Variants in CYB5R4 observed in about 807,000 individuals in gnomAD.
The protein encoded by CYB5R4 is N-terminal cytochrome b5 and cytochrome b5 oxidoreductase domain-containing protein.
A neutral mutation model predicts 70.2 loss-of-function variants in CYB5R4; 55 were observed. That is an observed-to-expected ratio of 0.78 (90% CI 0.63 to 0.98). The LOEUF is 0.98. Ranked by LOEUF, CYB5R4 falls within the 50% of genes least tolerant of loss-of-function variation. The probability of loss-of-function intolerance (pLI) is 0.00; values close to 1 mark genes in which losing one functional copy is unlikely to be tolerated. For missense variants in CYB5R4, 562 were observed against 612.6 expected, an observed-to-expected ratio of 0.92 and a Z score of 0.87; for synonymous variants, 197 against 199.5, an observed-to-expected ratio of 0.99 and a Z score of 0.11.
intron 10 of CYB5R4, among the ~76,000 whole-genome samples, chr6:83,928,134 A>G (rs1037841384): frequency 1.3e-5 from 2 of 152,176 alleles, no homozygotes; most frequent in African/African-American, 2.4e-5. Context: ...GGAACCAGGG[A>G]CACAGACCAA....
intron 2 of CYB5R4, among the ~76,000 whole-genome samples, chr6:83,891,370 C>T (rs745420358): frequency 5.9e-5 from 9 of 152,048 alleles, no homozygotes; most frequent in East Asian, 5.8e-4. Flanking sequence ...TAATAAAGCA[C>T]GAAGAAAAAG....
At chr6:83,886,031 A>G (rs777848237) in intron 2 of CYB5R4, among the ~76,000 whole-genome samples, 3 of 152,208 alleles carry the variant, frequency 2.0e-5, no homozygotes, top group Non-Finnish European at 4.4e-5. Flanking sequence ...TGGGAAATTC[A>G]TAAAGACAAG....
chr6:83,904,040 A>G (rs2099463399), intron 3 of CYB5R4, among the ~76,000 whole-genome samples: 1 of 152,030 alleles, frequency 6.6e-6, no homozygotes, highest in Non-Finnish European at 1.5e-5. Context: ...TATTTCATAT[A>G]GTTCTGCTCT....
In CYB5R4 at chr6:83,936,351, A is replaced by G; in HGVS notation, c.1083A>G (p.Thr361=). The stretch of plus-strand genomic sequence containing the variant: ...AAATCTATCCCACTGGACTCTTCAC[A>G]CCAGAGCTTGATCGTCTTCAGATTG... ...LIKIYPTGLF[T]PELDRLQIGD... Residue 361 remains threonine, a synonymous_variant, in exon 12 of 16, where the codon ACA becomes ACG. Coordinates refer to ENST00000369681, the MANE Select transcript of CYB5R4 (RefSeq NM_016230.4). 6.2e-7 allele frequency: 1 copy of G among 1,611,430 alleles called. No individual in the cohort carries two copies. The highest frequency in any genetic ancestry group is 1.1e-5 in the South Asian group (1 of 90,748).
intron 11 of CYB5R4, 142 bp from the exon 12 acceptor site, chr6:83,936,082 T>C (rs2099468884): frequency 5.1e-6 from 3 of 590,496 alleles, no homozygotes; most frequent in South Asian, 2.6e-5. Context: ...TATATACATA[T>C]AGAAAAATAA....
In CYB5R4 at chr6:83,893,521, G is replaced by T; in HGVS notation, c.230-1G>T. Reference sequence around the variant, plus strand: ...TATTATTTCTGTTTGCTTTGGTACAGGTTTCGTTTATAATGTCAGCCCTTA... The same window carrying T: ...TATTATTTCTGTTTGCTTTGGTACATGTTTCGTTTATAATGTCAGCCCTTA... On this transcript the variant is annotated splice_acceptor_variant, in intron 2 of 15. Coordinates refer to ENST00000369681, the MANE Select transcript of CYB5R4 (RefSeq NM_016230.4). LOFTEE classifies it high-confidence loss of function. The T allele has an allele frequency of 1.3e-6, 2 of 1,583,696 alleles. No homozygotes were observed. The highest frequency in any genetic ancestry group is 1.7e-6 in the Non-Finnish European group (2 of 1,156,126).
chr6:83,859,826 A>T lies in CYB5R4; in HGVS notation c.44A>T (p.Gln15Leu), dbSNP rs145836479. Residue 15 changes from glutamine to leucine, a missense_variant, in exon 1 of 16, where the codon CAG becomes CTG. Gln to Leu is a moderately radical substitution (Grantham distance 113). Transcript: ENST00000369681. ...CAGTCTTTCCCGGCCCCCAGGTCGC[A>T]GCAGCGTGTCGCCTCCGGGGGGCGT... ...PSQSFPAPRS[Q>L]QRVASGGRSK... 178 of 1,613,458 alleles carry T rather than the reference A, an allele frequency of 1.1e-4. 2 individuals carry two copies. In the East Asian group the frequency reaches 3.8e-3, roughly 35 times the overall value.
At chr6:83,891,604 T>G (rs1379992541) in intron 2 of CYB5R4, among the ~76,000 whole-genome samples, 2 of 152,224 alleles carry the variant, frequency 1.3e-5, no homozygotes, top group Non-Finnish European at 2.9e-5. Context: ...CTTTTTGATC[T>G]AAAGCATCTT....
At chr6:83,886,522 T>G (rs1419671569) in intron 2 of CYB5R4, among the ~76,000 whole-genome samples, 1 of 152,236 alleles carries the variant, frequency 6.6e-6, no homozygotes, top group Non-Finnish European at 1.5e-5. Flanking sequence ...TGAAAGAAGT[T>G]AGTCACAAAG....
intron 14 of CYB5R4, among the ~76,000 whole-genome samples, chr6:83,952,282 A>G (rs1012191193): frequency 3.9e-5 from 6 of 152,202 alleles, no homozygotes; most frequent in African/African-American, 1.4e-4. Context: ...ACAAAAAGAT[A>G]AGAAATCAGT....
At chr6:83,877,632 CAA>C (rs1166390393) in intron 2 of CYB5R4, among the ~76,000 whole-genome samples, 2 of 152,006 alleles carry the variant, frequency 1.3e-5, no homozygotes, top group Non-Finnish European at 2.9e-5. Flanking sequence ...AACTCACCCA[CAA>C]AAGAGGGCAT....
At chr6:83,883,114 A>G (rs2129131961) in intron 2 of CYB5R4, among the ~76,000 whole-genome samples, 1 of 152,336 alleles carries the variant, frequency 6.6e-6, no homozygotes, top group Non-Finnish European at 1.5e-5. Flanking sequence ...TTAATAGCAG[A>G]TTGGTGGCAA....
At chr6:83,902,062 G>A (rs1434064461) in intron 3 of CYB5R4, among the ~76,000 whole-genome samples, 1 of 152,008 alleles carries the variant, frequency 6.6e-6, no homozygotes, top group Admixed American at 6.6e-5. Flanking sequence ...TGTTGTCTGT[G>A]CTTTTGAGGT....
chr6:83,921,828 GT>G (rs1398010813), intron 8 of CYB5R4, among the ~76,000 whole-genome samples: 1 of 152,170 alleles, frequency 6.6e-6, no homozygotes, highest in Non-Finnish European at 1.5e-5. Flanking sequence ...TATGAACACA[GT>G]GAAATTTACA....
intron 3 of CYB5R4, among the ~76,000 whole-genome samples, chr6:83,899,177 A>G (rs1015430348): frequency 2.6e-5 from 4 of 152,070 alleles, no homozygotes; most frequent in East Asian, 3.9e-4. Flanking sequence ...AGCATGAAGC[A>G]TTGTTGAATT....
chr6:83,944,509 A>G (rs2099470262), intron 14 of CYB5R4, among the ~76,000 whole-genome samples: 1 of 152,238 alleles, frequency 6.6e-6, no homozygotes, highest in African/African-American at 2.4e-5. Context: ...CATTGAAACT[A>G]TGAAGAAAAT....
In CYB5R4 at chr6:83,955,411, A is replaced by C. The variant is rs771647446; in HGVS notation, c.1460A>C (p.Lys487Thr). The C allele has an allele frequency of 3.1e-6, 5 of 1,613,962 alleles. No homozygotes were observed. The highest frequency in any genetic ancestry group is 4.2e-6 in the Non-Finnish European group (5 of 1,179,918). The change falls in exon 15 of 16, where the codon AAA becomes ACA. Residue 487 changes from lysine (K) to threonine (T), a missense_variant. Coordinates refer to ENST00000369681, the MANE Select transcript of CYB5R4 (RefSeq NM_016230.4). ...EFLKRNLDKS[K>T]VLVCICGPVP... ...TTGAAAAGAAATTTGGACAAATCCA[A>C]AGTTCTCGTCTGCATTTGTGGACCA... is the stretch of plus-strand genomic sequence containing the variant.
intron 1 of CYB5R4, among the ~76,000 whole-genome samples, chr6:83,862,089 C>G (rs532909200): frequency 6.6e-6 from 1 of 152,142 alleles, no homozygotes; most frequent in African/African-American, 2.4e-5. Flanking sequence ...GAGTCTGTTT[C>G]CTCAGATGTA....
rs1386594278 is a variant in CYB5R4 at position 83,909,172 on chromosome 6, T to C, written c.412+82T>C. 2.7e-6 allele frequency: 3 copies of C among 1,091,000 alleles called. No individual in the cohort carries two copies. In the African/African-American group the frequency reaches 4.7e-5, roughly 17 times the overall value. The allele number at this position is 1,091,000 out of a possible 1,614,324, so 67.6% of individuals were successfully genotyped here. On this transcript the variant is annotated intron_variant, in intron 4 of 15. Coordinates refer to ENST00000369681, the MANE Select transcript of CYB5R4 (RefSeq NM_016230.4). ...TAACTTGGATTTAAACAACTAGGTC[T>C]ATACAAATCACTATGGTTTTGTAAT...
Sources: gnomAD v4.1 joint callset for allele counts (sites outside exome capture counted in the v4.1 genomes callset) on GRCh38, gnomAD v4.1.1 for gene constraint, MANE v1.5 for transcripts, NCBI Gene and HGNC (gene_info 2026-07-23, HGNC 2026-07-21) for gene names.